Variants in PIP5K1B observed in about 807,000 individuals in gnomAD.
The protein encoded by PIP5K1B is phosphatidylinositol 4-phosphate 5-kinase type-1 beta.
Under a neutral mutation model 67.0 loss-of-function variants are expected in PIP5K1B, and 42 were observed. The ratio of observed to expected loss-of-function variants is 0.63; its 90% CI spans 0.49 to 0.81. The LOEUF (loss-of-function observed/expected upper bound fraction) is 0.81, where lower values mean the gene tolerates loss of function less well. Ranked by LOEUF, PIP5K1B falls within the 30% of genes least tolerant of loss-of-function variation. The pLI, the probability that PIP5K1B is intolerant of heterozygous loss-of-function variation, is 0.00. For missense variants in PIP5K1B, 459 were observed against 646.3 expected (o/e 0.71, Z 3.14); for synonymous variants, 214 against 231.4 (o/e 0.92, Z 0.68).
chr9:68,905,717 G>A (rs1164402458), intron 8 of PIP5K1B, among the ~76,000 whole-genome samples: 2 of 152,234 alleles, frequency 1.3e-5, no homozygotes, highest in South Asian at 2.1e-4. Context: ...AAATCAGTTT[G>A]ATTTTATAGG....
chr9:68,890,788 C>T (rs1824744172), intron 7 of PIP5K1B, among the ~76,000 whole-genome samples: 1 of 151,566 alleles, frequency 6.6e-6, no homozygotes, highest in Admixed American at 6.6e-5. Flanking sequence ...TGTTCATGCA[C>T]ACATTTTAAA....
chr9:68,731,758 T>C (rs1245359686), intron 1 of PIP5K1B, among the ~76,000 whole-genome samples: 1 of 152,212 alleles, frequency 6.6e-6, no homozygotes, highest in East Asian at 1.9e-4. Context: ...ATGGTTTGTA[T>C]AACCCAAATT....
At chr9:68,768,495 C>G (rs1830538012) in intron 2 of PIP5K1B, among the ~76,000 whole-genome samples, 1 of 152,070 alleles carries the variant, frequency 6.6e-6, no homozygotes, top group Non-Finnish European at 1.5e-5. Flanking sequence ...ATTCACAGTC[C>G]TGGGGAAGGA....
chr9:68,926,087 G>A (rs771254395), intron 12 of PIP5K1B, among the ~76,000 whole-genome samples: 1 of 151,750 alleles, frequency 6.6e-6, no homozygotes, highest in Non-Finnish European at 1.5e-5. Flanking sequence ...AAGCCACCGC[G>A]CCCTGCTGTG....
At chr9:68,873,555 G>A (rs755995194) in intron 5 of PIP5K1B, among the ~76,000 whole-genome samples, 105 of 151,828 alleles carry the variant, frequency 6.9e-4, no homozygotes, top group Non-Finnish European at 1.3e-3. Flanking sequence ...TAGGAGATTA[G>A]CCCATTGTCT....
intron 2 of PIP5K1B, among the ~76,000 whole-genome samples, chr9:68,815,198 A>T (rs1676261828): frequency 6.6e-6 from 1 of 152,104 alleles, no homozygotes; most frequent in African/African-American, 2.4e-5. Flanking sequence ...AACATTTCAC[A>T]TCAAAACTTA....
chr9:68,940,733 C>A lies in PIP5K1B; in HGVS notation c.1445C>A (p.Ser482Tyr), dbSNP rs768457910. 6.2e-7 allele frequency: 1 copy of A among 1,613,928 alleles called. No homozygotes were observed. Among genetic ancestry groups the A allele is most frequent in the Non-Finnish European group, 8.5e-7 (1 of 1,179,842 alleles). The change falls in exon 14 of 16, where the codon TCT (serine) becomes TAT (tyrosine). Residue 482 changes from serine to tyrosine, a missense_variant. By Grantham distance (144) the Ser-to-Tyr change is moderately radical. This residue lies in a region of PIP5K1B where 169 missense variants were observed against 171.9 expected (regional missense o/e 0.98). Coordinates refer to ENST00000265382, the MANE Select transcript of PIP5K1B (RefSeq NM_003558.4). ...TCCTTGGCAACCACAATTTCATCTT[C>A]TTCCTTATACGTCAATGAGCACTAT... is the stretch of plus-strand genomic sequence containing the variant. ...AASLATTISS[S>Y]SLYVNEHYPH...
Position 68,894,411 on chromosome 9 carries a change from A to C in PIP5K1B, c.544A>C (p.Asn182His). Reference sequence around the variant, plus strand: ...GTATTGTATGCAATCAGGAGGCATTAATATCAGGATTGTGGTGATGAACAA... The same window carrying C: ...GTATTGTATGCAATCAGGAGGCATTCATATCAGGATTGTGGTGATGAACAA... ...GLYCMQSGGI[N>H]IRIVVMNNVL... The change falls in exon 8 of 16, where the codon AAT becomes CAT. Residue 182 changes from asparagine to histidine, a missense_variant. By Grantham distance (68) the Asn-to-His change is moderately conservative. Coordinates refer to ENST00000265382, the MANE Select transcript of PIP5K1B (RefSeq NM_003558.4). 6.2e-7 allele frequency: 1 copy of C among 1,613,848 alleles called. No homozygotes were observed. Among genetic ancestry groups the C allele is most frequent in the Non-Finnish European group, 8.5e-7 (1 of 1,179,760 alleles).
intron 8 of PIP5K1B, among the ~76,000 whole-genome samples, chr9:68,901,457 C>T (rs1345845305): frequency 2.6e-5 from 4 of 152,126 alleles, no homozygotes; most frequent in Non-Finnish European, 4.4e-5. Flanking sequence ...TAAGGTTTCA[C>T]CATGTTGGCC....
chr9:68,776,351 C>T (rs1169742134), intron 2 of PIP5K1B, among the ~76,000 whole-genome samples: 1 of 152,088 alleles, frequency 6.6e-6, no homozygotes, highest in Non-Finnish European at 1.5e-5. Context: ...GTTCTAAGTG[C>T]CTACTCCCTG....
chr9:68,736,899 A>G (rs1828767070), intron 1 of PIP5K1B, among the ~76,000 whole-genome samples: 1 of 152,232 alleles, frequency 6.6e-6, no homozygotes, highest in South Asian at 2.1e-4. Context: ...CTTTGGGGAC[A>G]TTATTCAGCC....
intron 14 of PIP5K1B, among the ~76,000 whole-genome samples, chr9:68,946,470 G>A (rs1327415915): frequency 6.6e-6 from 1 of 151,770 alleles, no homozygotes; most frequent in African/African-American, 2.4e-5. Context: ...TCAGTTCACT[G>A]CAACCTCCAC....
At chr9:68,714,037 T>C (rs1479352222) in intron 1 of PIP5K1B, among the ~76,000 whole-genome samples, 1 of 152,250 alleles carries the variant, frequency 6.6e-6, no homozygotes, top group Non-Finnish European at 1.5e-5. Context: ...ACTCTTTTTC[T>C]CTGTTTCATG....
In PIP5K1B at chr9:68,922,234, G is replaced by A. The variant is rs111854935; in HGVS notation, c.1117-1068G>A. Among the ~76,000 whole-genome samples the A allele has an allele frequency of 2.6e-5, 4 of 152,260 alleles. 1 individual carries two copies. Among genetic ancestry groups the A allele is most frequent in the African/African-American group, 9.6e-5 (4 of 41,562 alleles). On this transcript the variant is annotated intron_variant, in intron 11 of 15. Coordinates refer to ENST00000265382, the MANE Select transcript of PIP5K1B (RefSeq NM_003558.4). ...AATCCCAGCATTTTGGGAGGCCGAG[G>A]AGGGCAGATCACTTGAGGTCAGGAG...
At chr9:68,886,914 G>T (rs1446585361) in intron 6 of PIP5K1B, among the ~76,000 whole-genome samples, 2 of 152,062 alleles carry the variant, frequency 1.3e-5, no homozygotes, top group African/African-American at 4.8e-5. Flanking sequence ...TCCCTTTCAG[G>T]GCTCCTCCTT....
chr9:68,786,894 G>A (rs1250723351), intron 2 of PIP5K1B, among the ~76,000 whole-genome samples: 3 of 152,240 alleles, frequency 2.0e-5, no homozygotes, highest in South Asian at 2.1e-4. Context: ...CTCTTAAGGC[G>A]ATTGATGGAA....
chr9:68,982,505 C>G (rs901178194), intron 14 of PIP5K1B, among the ~76,000 whole-genome samples: 1 of 152,036 alleles, frequency 6.6e-6, no homozygotes, highest in Non-Finnish European at 1.5e-5. Context: ...GCCTGTAATC[C>G]CAGCACTCTG....
chr9:68,739,771 C>T (rs886840639), intron 1 of PIP5K1B: 1 of 152,230 alleles, frequency 6.6e-6, no homozygotes, highest in Non-Finnish European at 1.5e-5. Flanking sequence ...ATGCTTGAGG[C>T]TTTGCCCTAA....
chr9:68,781,062 A>G, intron 2 of PIP5K1B: 3 of 1,583,916 alleles, frequency 1.9e-6, no homozygotes, highest in Non-Finnish European at 2.6e-6. Flanking sequence ...TTTGCAGTGG[A>G]GAGAGAGAAT....
Sources: gnomAD v4.1 joint callset for allele counts (sites outside exome capture counted in the v4.1 genomes callset) on GRCh38, gnomAD v4.1.1 for gene constraint, gnomAD v4.1.1 regional missense constraint, MANE v1.5 for transcripts, NCBI Gene and HGNC (gene_info 2026-07-23, HGNC 2026-07-21) for gene names.